Variants in EEA1 observed in about 807,000 individuals in gnomAD.
EEA1 encodes the protein early endosome antigen 1, 162kD.
A neutral mutation model predicts 209.2 loss-of-function variants in EEA1; 111 were observed. The observed-to-expected ratio is 0.53, with a 90% CI of 0.45 to 0.62. The LOEUF is 0.62. EEA1 is among the 20% of genes least tolerant of loss of function. The pLI, the probability that EEA1 is intolerant of heterozygous loss-of-function variation, is 0.00. For missense variants in EEA1, 1,343 were observed against 1,530.8 expected, an observed-to-expected ratio of 0.88 and a Z score of 2.05; for synonymous variants, 536 against 540.6, an observed-to-expected ratio of 0.99 and a Z score of 0.12.
At chr12:92,910,017 C>A (rs1195710323) in intron 1 of EEA1, among the ~76,000 whole-genome samples, 3 of 152,072 alleles carry the variant, frequency 2.0e-5, no homozygotes, top group African/African-American at 7.2e-5. Flanking sequence ...GTAGCAGCCA[C>A]CTGTAATCCC....
At chr12:92,808,795 A>C (rs1049458735) in intron 18 of EEA1, among the ~76,000 whole-genome samples, 1 of 152,202 alleles carries the variant, frequency 6.6e-6, no homozygotes, top group African/African-American at 2.4e-5. Flanking sequence ...GGATGACCCA[A>C]ATTTTATAAA....
intron 15 of EEA1, among the ~76,000 whole-genome samples, chr12:92,815,549 C>A (rs1875739137): frequency 6.6e-6 from 1 of 152,058 alleles, no homozygotes; most frequent in Non-Finnish European, 1.5e-5. Flanking sequence ...ACAGTAAAAT[C>A]AAGCCTTGAA....
intron 3 of EEA1, among the ~76,000 whole-genome samples, chr12:92,859,490 A>G (rs1878035153): frequency 6.6e-6 from 1 of 152,174 alleles, no homozygotes; most frequent in African/African-American, 2.4e-5. Flanking sequence ...TAATGAATTT[A>G]GTGAGCATAG....
rs143075855 is a variant in EEA1, at chr12:92,876,698, C to G, written c.118-11711G>C. Among the ~76,000 whole-genome samples the G allele has an allele frequency of 1.6e-4, 25 of 151,910 alleles. No individual in the cohort carries two copies. In the East Asian group the frequency reaches 4.2e-3, roughly 26 times the overall value. The stretch of plus-strand genomic sequence containing the variant: ...TAAGCAGGTGAGGTACAGAGATTAG[C>G]TTATGGAAAAGCCCAAGAAAAGAAA... On this transcript the variant is annotated intron_variant, in intron 2 of 28. Transcript: ENST00000322349.
chr12:92,865,087 A>C, intron 2 of EEA1, 100 bp from the exon 3 acceptor site: 1 of 910,786 alleles, frequency 1.1e-6, no homozygotes. Flanking sequence ...AATCATACCA[A>C]TGGTGCCATT....
chr12:92,852,157 AAAT>A lies in EEA1; in HGVS notation c.642+15_642+17del. The A allele has an allele frequency of 6.4e-7, 1 of 1,563,620 alleles. No individual in the cohort carries two copies. Among genetic ancestry groups the A allele is most frequent in the Non-Finnish European group, 8.6e-7 (1 of 1,159,358 alleles). Reference sequence around the variant, plus strand: ...GAAAGGTATAAGAGTACATCTCAATAAATAATTCCTAAATTACCAGTTCCGTCT... The same window carrying A: ...GAAAGGTATAAGAGTACATCTCAATAAATTCCTAAATTACCAGTTCCGTCT... On this transcript the variant is annotated intron_variant, in intron 8 of 28. Coordinates refer to ENST00000322349, the MANE Select transcript of EEA1 (RefSeq NM_003566.4).
intron 2 of EEA1, among the ~76,000 whole-genome samples, chr12:92,870,110 C>T (rs1389057134): frequency 6.6e-6 from 1 of 152,052 alleles, no homozygotes; most frequent in East Asian, 1.9e-4. Context: ...TCATAGAAAC[C>T]TCCTGGGGTA....
At chr12:92,927,289 A>T (rs1363503502) in intron 1 of EEA1, among the ~76,000 whole-genome samples, 2 of 152,244 alleles carry the variant, frequency 1.3e-5, no homozygotes, top group African/African-American at 2.4e-5. Context: ...CCCACAACGC[A>T]GAATTATCCA....
intron 1 of EEA1, among the ~76,000 whole-genome samples, chr12:92,898,618 C>T (rs1592765916): frequency 6.7e-6 from 1 of 148,276 alleles, no homozygotes; most frequent in African/African-American, 2.5e-5. Flanking sequence ...GAGCCGAGAT[C>T]GTGCCACCGC....
intron 13 of EEA1, among the ~76,000 whole-genome samples, chr12:92,820,463 T>C (rs1875995006): frequency 6.6e-6 from 1 of 152,086 alleles, no homozygotes; most frequent in African/African-American, 2.4e-5. Context: ...TGCCTCTCAG[T>C]CTCTGTTCCT....
In EEA1 at chr12:92,929,212, G is replaced by A. The variant is rs1565867750; in HGVS notation, c.-146C>T. Reference sequence around the variant, plus strand: ...GCGAGGCGGTGGCGACGGCCGCTCGGGCGGCCCCGACTTCCCCACAGGCGG... The same window carrying A: ...GCGAGGCGGTGGCGACGGCCGCTCGAGCGGCCCCGACTTCCCCACAGGCGG... On this transcript the variant is annotated 5_prime_UTR_variant, in exon 1 of 29. Coordinates refer to ENST00000322349, the MANE Select transcript of EEA1 (RefSeq NM_003566.4). 7 of 736,994 alleles carry A rather than the reference G, an allele frequency of 9.5e-6. No individual in the cohort carries two copies. The highest frequency in any genetic ancestry group is 1.5e-5 in the Non-Finnish European group (7 of 479,356). 45.7% of individuals were successfully genotyped at this position (736,994 alleles called of 1,614,324 possible).
chr12:92,923,297 G>A (rs749228706), intron 1 of EEA1, among the ~76,000 whole-genome samples: 10 of 152,136 alleles, frequency 6.6e-5, no homozygotes, highest in African/African-American at 1.9e-4. Flanking sequence ...GTAGTGAGCC[G>A]AGATTGCGCC....
intron 25 of EEA1, among the ~76,000 whole-genome samples, chr12:92,778,690 T>C (rs1368991296): frequency 6.6e-6 from 1 of 152,064 alleles, no homozygotes; most frequent in African/African-American, 2.4e-5. Context: ...TGCTTCCCAT[T>C]TGGCATGTGC....
chr12:92,811,304 G>A lies in EEA1; in HGVS notation c.2174C>T (p.Thr725Ile), dbSNP rs1259911538. 2.5e-6 allele frequency: 4 copies of A among 1,572,158 alleles called. No individual in the cohort carries two copies. Among genetic ancestry groups the A allele is most frequent in the Non-Finnish European group, 3.4e-6 (4 of 1,162,828 alleles). ...KEKYLSLEQKTEELEGQIKKL... is the reference protein window; with the variant it reads ...KEKYLSLEQKIEELEGQIKKL... ...CTTAATTTGACCTTCTAGCTCTTCG[G>A]TTTTCTGTTCTAAAGAGAGGTATTT... The change falls in exon 17 of 29, where the codon ACC becomes ATC. Residue 725 changes from threonine to isoleucine, a missense_variant. Around this residue, in one of 3 missense-constraint regions of EEA1, gnomAD observed 1,307 missense variants for 1,465.5 expected, o/e 0.89. Transcript: ENST00000322349.
At chr12:92,779,511 A>G (rs1873810185) in intron 24 of EEA1, among the ~76,000 whole-genome samples, 1 of 152,126 alleles carries the variant, frequency 6.6e-6, no homozygotes, top group Admixed American at 6.5e-5. Flanking sequence ...GGTGACAAAA[A>G]TGTATACGTT....
chr12:92,904,127 AATTTTGT>A (rs1318905111), intron 1 of EEA1, among the ~76,000 whole-genome samples: 4 of 151,702 alleles, frequency 2.6e-5, no homozygotes, highest in Admixed American at 2.0e-4. Flanking sequence ...CACCCCGGCT[AATTTTGT>A]ATTTTTAGTA....
chr12:92,839,741 T>C (rs896256386), intron 10 of EEA1, among the ~76,000 whole-genome samples: 1 of 152,170 alleles, frequency 6.6e-6, no homozygotes, highest in East Asian at 1.9e-4. Flanking sequence ...ATGACAAGTG[T>C]CCATAGATAT....
intron 22 of EEA1, among the ~76,000 whole-genome samples, chr12:92,784,816 G>A (rs1199195988): frequency 1.3e-5 from 2 of 151,756 alleles, no homozygotes; most frequent in Non-Finnish European, 2.9e-5. Flanking sequence ...TCTTCCCTCG[G>A]AGAACCCTCT....
At chr12:92,877,146 T>C (rs938415924) in intron 2 of EEA1, among the ~76,000 whole-genome samples, 1 of 149,708 alleles carries the variant, frequency 6.7e-6, no homozygotes, top group East Asian at 1.9e-4. Flanking sequence ...TTTTTTTTTT[T>C]TTTTGTATTT....
Sources: allele counts gnomAD v4.1 joint callset (sites outside exome capture counted in the v4.1 genomes callset), GRCh38; gene constraint gnomAD v4.1.1; regional missense constraint gnomAD v4.1.1; transcripts MANE v1.5; gene names NCBI Gene and HGNC (gene_info 2026-07-23, HGNC 2026-07-21).